The following KLHL22 variants were observed in gnomAD, a reference collection of about 807,000 sequenced individuals.
The protein encoded by KLHL22 is kelch-like protein 22.
In KLHL22, 18 loss-of-function variants were observed where a neutral mutation model predicts 60.7. That is an observed-to-expected ratio of 0.30 (90% CI 0.20 to 0.44). The LOEUF (loss-of-function observed/expected upper bound fraction) is 0.44, where lower values mean the gene tolerates loss of function less well. Ranked by LOEUF, KLHL22 falls within the 20% of genes least tolerant of loss-of-function variation. KLHL22 has a pLI of 1.00. For synonymous variants in KLHL22, 355 were observed against 354.5 expected (o/e 1.00, Z -0.01); for missense variants, 596 against 852.3 (o/e 0.70, Z 3.74).
intron 1 of KLHL22, chr22:20,489,959 T>C: frequency 5.4e-6 from 2 of 367,688 alleles, no homozygotes; most frequent in South Asian, 4.2e-5. Context: ...ATTGAGTCAG[T>C]ACGTTCAAAA....
At chr22:20,489,740 A>C (rs1485961824) in intron 1 of KLHL22, 1 of 471,232 alleles carries the variant, frequency 2.1e-6, no homozygotes, top group Non-Finnish European at 4.4e-6. Flanking sequence ...TCTTCCTCAT[A>C]GTAATGGATG....
intron 5 of KLHL22, chr22:20,451,101 T>C: frequency 6.8e-7 from 1 of 1,477,190 alleles, no homozygotes; most frequent in Admixed American, 1.7e-5. Flanking sequence ...TGTCCCTACA[T>C]GACCAGATCT....
chr22:20,489,344 C>A, intron 1 of KLHL22, 100 bp from the exon 2 acceptor site: 1 of 812,502 alleles, frequency 1.2e-6, no homozygotes, highest in Non-Finnish European at 2.0e-6. Flanking sequence ...TCCTGTGCCT[C>A]CCTCAGGCTC....
At chr22:20,471,312 G>C (rs374444045) in intron 3 of KLHL22, 38 bp downstream of exon 3, 80 of 1,595,808 alleles carry the variant, frequency 5.0e-5, no homozygotes, top group Non-Finnish European at 6.8e-5. Flanking sequence ...AACCCCACCT[G>C]GGTGTGGGTC....
chr22:20,446,701 G>A, intron 5 of KLHL22, 25 bp from the exon 6 acceptor site: 1 of 1,575,752 alleles, frequency 6.3e-7, no homozygotes, highest in South Asian at 1.1e-5. Flanking sequence ...CAGGAGAAAT[G>A]GCGTGAGAGG....
In KLHL22 at chr22:20,465,609, G is replaced by T; in HGVS notation, c.394-33C>A. On this transcript the variant is annotated intron_variant, in intron 3 of 6. Coordinates refer to ENST00000328879, the MANE Select transcript of KLHL22 (RefSeq NM_032775.4). This position sits in a 1 kb window ranked among gnomAD's most constrained non-coding sequence, Gnocchi z 4.9. The stretch of plus-strand genomic sequence containing the variant: ...GAGAATGACACCCATTCAAGCCTGG[G>T]CTGGTGAACAGCATCTGGGGGTGGG... 1 of 1,064,146 alleles carries T rather than the reference G, an allele frequency of 9.4e-7. No individual in the cohort carries two copies. Among genetic ancestry groups the T allele is most frequent in the Non-Finnish European group, 1.5e-6 (1 of 678,246 alleles). 65.9% of individuals were successfully genotyped at this position (1,064,146 alleles called of 1,614,324 possible). A position where few individuals can be genotyped will look rare whatever the true frequency, so the allele number is the denominator to read the frequency against.
At chr22:20,479,837 A>T (rs1182599086) in intron 2 of KLHL22, among the ~76,000 whole-genome samples, 1 of 152,256 alleles carries the variant, frequency 6.6e-6, no homozygotes. Flanking sequence ...AGAATGATCT[A>T]GCAATTCCAC....
At chr22:20,489,350 G>A (rs1353241098) in intron 1 of KLHL22, 106 bp from the exon 2 acceptor site, 2 of 782,654 alleles carry the variant, frequency 2.6e-6, no homozygotes, top group Admixed American at 2.2e-5. Context: ...GCCTCCCTCA[G>A]GCTCACCTGT....
intron 2 of KLHL22, among the ~76,000 whole-genome samples, chr22:20,484,874 C>G (rs1358415626): frequency 6.6e-6 from 1 of 151,634 alleles, no homozygotes; most frequent in African/African-American, 2.4e-5. Flanking sequence ...GTAGCTGGGA[C>G]TATAGGCCAC....
chr22:20,466,845 G>T (rs116129811), intron 3 of KLHL22, among the ~76,000 whole-genome samples: 1 of 152,214 alleles, frequency 6.6e-6, no homozygotes, highest in East Asian at 1.9e-4. Context: ...CTCCCAGGTG[G>T]CCATATCAAC....
At chr22:20,464,650 G>A (rs1484342020) in intron 4 of KLHL22, among the ~76,000 whole-genome samples, 1 of 152,106 alleles carries the variant, frequency 6.6e-6, no homozygotes, top group African/African-American at 2.4e-5. Flanking sequence ...GAGGAGTAGG[G>A]GACATGCAGG....
At chr22:20,449,988 C>G (rs1235499547) in intron 5 of KLHL22, 2 of 577,724 alleles carry the variant, frequency 3.5e-6, no homozygotes, top group Non-Finnish European at 6.3e-6. Flanking sequence ...TTCGGCTCCT[C>G]CTGAGCCACC....
rs575287255 is a variant in KLHL22, at chr22:20,444,955, T to G, written c.1539+1488A>C. Among the ~76,000 whole-genome samples the G allele has an allele frequency of 5.3e-5, 8 of 152,200 alleles. No homozygotes were observed. In the East Asian group the frequency reaches 1.2e-3, roughly 22 times the overall value. On this transcript the variant is annotated intron_variant, in intron 6 of 6. Coordinates refer to ENST00000328879, the MANE Select transcript of KLHL22 (RefSeq NM_032775.4). Reference sequence around the variant, plus strand: ...AGCCACCATGCCTGGCTAATTTTTTTTTGTATTTTTAGTAGAGATGGAGTT... The same window carrying G: ...AGCCACCATGCCTGGCTAATTTTTTGTTGTATTTTTAGTAGAGATGGAGTT...
At position 20,457,832 on chromosome 22, in the gene KLHL22, T is replaced by C. The variant is rs1323825217; in HGVS notation, c.1281A>G (p.Ala427=). The change falls in exon 5 of 7, where the codon GCA becomes GCG. Residue 427 remains alanine (A), a synonymous_variant. Coordinates refer to ENST00000328879, the MANE Select transcript of KLHL22 (RefSeq NM_032775.4). The part of the protein sequence containing the change: ...ERYDPATNSW[A]YVAPLKREVY... Reference sequence around the variant, plus strand: ...CCTCCCTCTTGAGTGGGGCCACGTATGCCCAGGAGTTGGTGGCAGGGTCGT... The same window carrying C: ...CCTCCCTCTTGAGTGGGGCCACGTACGCCCAGGAGTTGGTGGCAGGGTCGT... 1.9e-6 allele frequency: 3 copies of C among 1,606,330 alleles called. No homozygotes were observed. The highest frequency in any genetic ancestry group is 2.2e-5 in the East Asian group (1 of 44,690).
At position 20,465,037 on chromosome 22, in the gene KLHL22, G is replaced by A; in HGVS notation, c.933C>T (p.Ser311=). Reference sequence around the variant, plus strand: ...ACTTGGCCTGGTCGCTGAGGACAGTGGACGGCGTGGAGTGAATGCCCCCGA... The same window carrying A: ...ACTTGGCCTGGTCGCTGAGGACAGTAGACGGCGTGGAGTGAATGCCCCCGA... The part of the protein sequence containing the change: ...VGFGGIHSTP[S]TVLSDQAKYL... The change falls in exon 4 of 7, where the codon TCC becomes TCT. Residue 311 remains serine (S), a synonymous_variant. Transcript: ENST00000328879. The surrounding 1 kb of genome is among the most constrained non-coding windows in gnomAD (Gnocchi z 4.9). 6.2e-7 allele frequency: 1 copy of A among 1,611,500 alleles called. No homozygotes were observed. Among genetic ancestry groups the A allele is most frequent in the South Asian group, 1.1e-5 (1 of 90,830 alleles).
intron 3 of KLHL22, among the ~76,000 whole-genome samples, chr22:20,468,790 GC>G (rs1261636360): frequency 1.3e-5 from 2 of 152,214 alleles, no homozygotes; most frequent in African/African-American, 4.8e-5. Context: ...CTCCCGAGTA[GC>G]TGGAACTACA....
chr22:20,447,426 C>T (rs964937167), intron 5 of KLHL22, among the ~76,000 whole-genome samples: 4 of 151,986 alleles, frequency 2.6e-5, no homozygotes, highest in African/African-American at 7.3e-5. Flanking sequence ...TGAGGCCATG[C>T]GGGTGGCAAA....
intron 5 of KLHL22, chr22:20,451,177 G>A: frequency 1.9e-6 from 3 of 1,593,726 alleles, no homozygotes; most frequent in Non-Finnish European, 2.6e-6. Context: ...CTACACAGCA[G>A]ATGAGGATGG....
At position 20,465,154 on chromosome 22, in the gene KLHL22, G is replaced by A. The variant is rs767144304; in HGVS notation, c.816C>T (p.Ser272=). The A allele has an allele frequency of 1.1e-5, 18 of 1,613,706 alleles. No individual in the cohort carries two copies. Among genetic ancestry groups the A allele is most frequent in the East Asian group, 1.1e-4 (5 of 44,872 alleles). ...DPSPLRDTVA[S]ALMYHRNESL... ...TCTCGTTCCGGTGGTACATGAGGGC[G>A]CTGGCCACTGTGTCCCTCAAAGGGC... Residue 272 remains serine (S), a synonymous_variant, in exon 4 of 7, where the codon AGC becomes AGT. Coordinates refer to ENST00000328879, the MANE Select transcript of KLHL22 (RefSeq NM_032775.4). The surrounding 1 kb of genome is among the most constrained non-coding windows in gnomAD (Gnocchi z 4.9).
Sources: gnomAD v4.1 joint callset for allele counts (sites outside exome capture counted in the v4.1 genomes callset) on GRCh38, gnomAD v4.1.1 for gene constraint, Gnocchi (gnomAD v3.1) non-coding constraint, MANE v1.5 for transcripts, NCBI Gene and HGNC (gene_info 2026-07-23, HGNC 2026-07-21) for gene names.